NTRK1: variants seen among roughly 807,000 people sequenced by gnomAD.
The protein encoded by NTRK1 is high affinity nerve growth factor receptor.
NTRK1 carries 62 observed loss-of-function variants against 86.8 expected under a neutral mutation model. That is an observed-to-expected ratio of 0.71 (90% CI 0.58 to 0.88). The LOEUF is 0.88. NTRK1 is among the 40% of genes least tolerant of loss of function. The probability of loss-of-function intolerance (pLI) is 0.00; values close to 1 mark genes in which losing one functional copy is unlikely to be tolerated. For synonymous variants in NTRK1, 469 were observed against 456.6 expected (o/e 1.03, Z -0.35); for missense variants, 967 against 1,078.4 (o/e 0.90, Z 1.45).
intron 11 of NTRK1, 134 bp from the exon 12 acceptor site, chr1:156,875,386 G>A (rs2102914387): frequency 2.5e-6 from 3 of 1,215,126 alleles, no homozygotes; most frequent in South Asian, 1.2e-5. Flanking sequence ...CCCCCTGCCT[G>A]CTGTCTCGCT....
chr1:156,873,660 C>T lies in NTRK1; in HGVS notation c.878C>T (p.Ala293Val), dbSNP rs567093941. 142 of 1,610,286 alleles carry T rather than the reference C, an allele frequency of 8.8e-5. No homozygotes were observed. Among genetic ancestry groups the T allele is most frequent in the Non-Finnish European group, 1.2e-4 (136 of 1,179,476 alleles). Reference sequence around the variant, plus strand: ...CCGGCCAGTGTGCAGCTGCACACGGCGGTGGAGATGCACCACTGGTGCATC... The same window carrying T: ...CCGGCCAGTGTGCAGCTGCACACGGTGGTGGAGATGCACCACTGGTGCATC... ...SFPASVQLHT[A>V]VEMHHWCIPF... is the part of the protein sequence containing the mutation. The change falls in exon 8 of 17, where the codon GCG becomes GTG. Residue 293 changes from alanine (A) to valine (V), a missense_variant. By Grantham distance (64) the Ala-to-Val change is moderately conservative. This residue lies in a region of NTRK1 where 637 missense variants were observed against 776.5 expected (regional missense o/e 0.82). Transcript: ENST00000524377.
chr1:156,871,905 T>A, intron 7 of NTRK1, 150 bp downstream of exon 7: 1 of 1,154,618 alleles, frequency 8.7e-7, no homozygotes, highest in Non-Finnish European at 1.2e-6. Context: ...CATGAAAACC[T>A]GATCCTTTGG....
At chr1:156,842,930 T>C in intron 2 of NTRK1, 1 of 1,202,486 alleles carries the variant, frequency 8.3e-7, no homozygotes, top group Non-Finnish European at 1.2e-6. Flanking sequence ...TAACCTCATC[T>C]CTGACCCTTT....
chr1:156,846,258 C>A (rs1394159140), intron 2 of NTRK1: 7 of 962,974 alleles, frequency 7.3e-6, no homozygotes, highest in Non-Finnish European at 1.1e-5. Context: ...CTTCCTAGAA[C>A]TCAGTGTTTT....
At chr1:156,832,996 T>C (rs1004439786) in intron 1 of NTRK1, among the ~76,000 whole-genome samples, 9 of 152,198 alleles carry the variant, frequency 5.9e-5, no homozygotes, top group Admixed American at 5.2e-4. Flanking sequence ...GCTAAACACA[T>C]TTTGGTGCTG....
chr1:156,874,097 C>T (rs2102907298), intron 8 of NTRK1, 138 bp downstream of exon 8: 2 of 946,576 alleles, frequency 2.1e-6, no homozygotes, highest in South Asian at 3.2e-5. Context: ...TGGTGTCCCG[C>T]TGTTCTGGCC....
At chr1:156,881,409 T>C (rs1174947308) in intron 16 of NTRK1, 48 bp from the exon 17 acceptor site, 16 of 1,541,802 alleles carry the variant, frequency 1.0e-5, no homozygotes, top group Non-Finnish European at 1.3e-5. Context: ...CTCACTCTCT[T>C]GCCCCCAGCC....
At chr1:156,851,927 A>G (rs1456124946) in intron 2 of NTRK1, 1 of 1,598,558 alleles carries the variant, frequency 6.3e-7, no homozygotes, top group Middle Eastern at 1.7e-4. Context: ...GCACTGGGCC[A>G]GGCAACTGCC....
At chr1:156,863,854 T>A (rs886270041) in intron 1 of NTRK1, among the ~76,000 whole-genome samples, 8 of 152,148 alleles carry the variant, frequency 5.3e-5, no homozygotes, top group Non-Finnish European at 1.0e-4. Context: ...CTCCCACTGA[T>A]GAGTGTGTGC....
intron 1 of NTRK1, among the ~76,000 whole-genome samples, chr1:156,819,466 A>C (rs547211829): frequency 1.3e-5 from 2 of 151,948 alleles, no homozygotes; most frequent in African/African-American, 4.8e-5. Flanking sequence ...AGAAATGTCT[A>C]TTCATGTCCT....
At chr1:156,817,047 T>TCTCTCTCTCTCTCTCTCTCTCTC (rs1654008835) in intron 1 of NTRK1, among the ~76,000 whole-genome samples, 6 of 113,776 alleles carry the variant, frequency 5.3e-5, no homozygotes, top group Admixed American at 9.6e-5. Context: ...GAACTTCCCT[T>TCTCTCTCTCTCTCTCTCTCTCTC]TCTCTCTCTC....
intron 1 of NTRK1, chr1:156,841,674 G>T: frequency 6.2e-7 from 1 of 1,614,008 alleles, no homozygotes; most frequent in Admixed American, 1.7e-5. Context: ...CCAGACATCC[G>T]AGTGGGTGGT....
intron 2 of NTRK1, among the ~76,000 whole-genome samples, chr1:156,850,334 C>G (rs1655157472): frequency 6.6e-6 from 1 of 151,986 alleles, no homozygotes; most frequent in Admixed American, 6.6e-5. Context: ...GCCTCAGCCT[C>G]CTGAGTAGCT....
intron 2 of NTRK1, chr1:156,852,291 A>G (rs1441538582): frequency 5.1e-6 from 6 of 1,171,796 alleles, no homozygotes; most frequent in East Asian, 2.5e-5. Flanking sequence ...ATGACACTCA[A>G]TCTGCACCCA....
In NTRK1 at chr1:156,845,091, G is replaced by A. The variant is rs756026000; in HGVS notation, c.50+2898G>A. On this transcript the variant is annotated intron_variant, in intron 2 of 16. Transcript: ENST00000392302. ...GATCACCTACTGTGGGGCATGGTGCGCGCAAAGACGAAGGTGGCGGCGCTG... is the reference window on the plus strand; with the variant it reads ...GATCACCTACTGTGGGGCATGGTGCACGCAAAGACGAAGGTGGCGGCGCTG... The A allele has an allele frequency of 6.8e-6, 11 of 1,608,476 alleles. No homozygotes were observed. In the South Asian group the frequency reaches 7.8e-5, roughly 11 times the overall value.
intron 2 of NTRK1, chr1:156,845,064 TG>T: frequency 6.3e-7 from 1 of 1,598,166 alleles, no homozygotes. Context: ...GGTGTGTGTG[TG>T]GATCACCTAC....
Position 156,844,696 on chromosome 1 carries a change from C to T in NTRK1, c.50+2503C>T, listed in dbSNP as rs567316547. On this transcript the variant is annotated intron_variant, in intron 2 of 16. Coordinates refer to the NTRK1 transcript ENST00000392302. ...AAACGGGGCTGGGACGGGGGTCCCA[C>T]GGGCACCTACCTCTCCCAAGCGGCG... 17 of 1,614,078 alleles carry T rather than the reference C, an allele frequency of 1.1e-5. No individual in the cohort carries two copies. The South Asian group carries it at 1.4e-4, about 14-fold the overall frequency.
intron 6 of NTRK1, among the ~76,000 whole-genome samples, 172 bp downstream of exon 6, chr1:156,868,819 G>A (rs1647344681): frequency 6.6e-6 from 1 of 152,148 alleles, no homozygotes; most frequent in Non-Finnish European, 1.5e-5. Flanking sequence ...TATGCTCTGG[G>A]GCAGCCCAGG....
At chr1:156,851,685 G>A (rs1655215307) in intron 2 of NTRK1, 2 of 1,614,226 alleles carry the variant, frequency 1.2e-6, no homozygotes, top group Non-Finnish European at 1.7e-6. Context: ...CCCTCCACAT[G>A]CGTGCAGCCC....
Sources: gnomAD v4.1 joint callset for allele counts (sites outside exome capture counted in the v4.1 genomes callset) on GRCh38, gnomAD v4.1.1 for gene constraint, gnomAD v4.1.1 regional missense constraint, MANE v1.5 for transcripts, NCBI Gene and HGNC (gene_info 2026-07-23, HGNC 2026-07-21) for gene names.